Variants in RBPMS observed in about 807,000 individuals in gnomAD.
RBPMS encodes RNA-binding protein with multiple splicing.
A neutral mutation model predicts 26.8 loss-of-function variants in RBPMS; 7 were observed. The ratio of observed to expected loss-of-function variants is 0.26; its 90% CI spans 0.15 to 0.49. The LOEUF (loss-of-function observed/expected upper bound fraction) is 0.49. RBPMS is among the 20% of genes least tolerant of loss of function. RBPMS has a pLI of 0.98. For synonymous variants in RBPMS, 96 were observed against 93.3 expected, an observed-to-expected ratio of 1.03 and a Z score of -0.17; for missense variants, 186 against 250.0, an observed-to-expected ratio of 0.74 and a Z score of 1.73.
intron 6 of RBPMS, chr8:30,545,052 T>C: frequency 1.4e-6 from 2 of 1,397,832 alleles, no homozygotes; most frequent in Non-Finnish European, 1.9e-6. Context: ...TTTTCCACTC[T>C]CGTGTACGGT....
At chr8:30,536,125 TC>T (rs1824768717) in intron 5 of RBPMS, among the ~76,000 whole-genome samples, 1 of 126,440 alleles carries the variant, frequency 7.9e-6, no homozygotes, top group Non-Finnish European at 1.7e-5. Context: ...AGATCATCTC[TC>T]TCTTTTTTTT....
intron 1 of RBPMS, among the ~76,000 whole-genome samples, chr8:30,432,251 C>T (rs948181298): frequency 6.6e-6 from 1 of 152,184 alleles, no homozygotes; most frequent in African/African-American, 2.4e-5. Flanking sequence ...CTGACTCTCC[C>T]GGCAGAAAGT....
At chr8:30,519,198 G>A (rs1822730327) in intron 5 of RBPMS, among the ~76,000 whole-genome samples, 1 of 152,058 alleles carries the variant, frequency 6.6e-6, no homozygotes, top group African/African-American at 2.4e-5. Flanking sequence ...TGGAGGGTAT[G>A]TGTCTAATTC....
rs868230907 is a variant in RBPMS at position 30,446,849 on chromosome 8, G to A, written c.67-27930G>A. 2.9e-3 allele frequency: 392 copies of A among 136,252 alleles called. 6 individuals are homozygous for A. In the Middle Eastern group the frequency reaches 0.043, roughly 15 times the overall value. The allele number at this position is 136,252 out of a possible 1,614,324, so 8.4% of individuals were successfully genotyped here. A position where few individuals can be genotyped will look rare whatever the true frequency, so the allele number is the denominator to read the frequency against. On this transcript the variant is annotated intron_variant, in intron 1 of 8. Transcript: ENST00000397323. ...TGTGTGTGTGTGTGTGTGTGCGCGC[G>A]CGCGCGCGCGGTGGAGGGTAGTGGG... is the stretch of plus-strand genomic sequence containing the variant.
intron 6 of RBPMS, among the ~76,000 whole-genome samples, chr8:30,557,570 C>G (rs538264160): frequency 6.6e-6 from 1 of 152,340 alleles, no homozygotes; most frequent in South Asian, 2.1e-4. Context: ...CCCAGACCCC[C>G]CTGCACCTCC....
intron 6 of RBPMS, chr8:30,552,735 T>G (rs1170205452): frequency 1.3e-4 from 20 of 152,230 alleles, no homozygotes. Flanking sequence ...ACATGCCTGT[T>G]TGGAAGCAGG....
At chr8:30,450,940 C>T (rs1225571097) in intron 1 of RBPMS, among the ~76,000 whole-genome samples, 1 of 152,000 alleles carries the variant, frequency 6.6e-6, no homozygotes, top group African/African-American at 2.4e-5. Flanking sequence ...AAAAATCCTA[C>T]AATGTATATT....
chr8:30,545,184 A>G (rs1825772309), intron 6 of RBPMS: 2 of 1,296,128 alleles, frequency 1.5e-6, no homozygotes, highest in Admixed American at 2.3e-5. Flanking sequence ...AGAAAAGGAG[A>G]TACAAGATAG....
chr8:30,514,154 TTTG>T (rs768040569), intron 5 of RBPMS, among the ~76,000 whole-genome samples: 18 of 152,328 alleles, frequency 1.2e-4, no homozygotes, highest in East Asian at 7.7e-4. Flanking sequence ...TCCTGCACAC[TTTG>T]TTAAGAAAAA....
intron 5 of RBPMS, among the ~76,000 whole-genome samples, chr8:30,540,076 G>A (rs1041039126): frequency 2.0e-5 from 3 of 152,226 alleles, no homozygotes; most frequent in Non-Finnish European, 4.4e-5. Flanking sequence ...TTCTAGACTA[G>A]CAGTGCGAGA....
chr8:30,551,366 T>TC (rs1486286880), intron 6 of RBPMS, among the ~76,000 whole-genome samples: 1 of 152,164 alleles, frequency 6.6e-6, no homozygotes, highest in Non-Finnish European at 1.5e-5. Context: ...GGTCCCCTAG[T>TC]GTATGGCTGT....
chr8:30,537,847 A>G, intron 5 of RBPMS: 1 of 315,330 alleles, frequency 3.2e-6, no homozygotes, highest in Non-Finnish European at 6.3e-6. Flanking sequence ...TGTCATCTTT[A>G]TTGTTACTAG....
Position 30,544,607 on chromosome 8 carries a change from G to C in RBPMS, c.511G>C (p.Ala171Pro). The change falls in exon 6 of 9, where the codon GCT (alanine) becomes CCT (proline). Residue 171 changes from alanine to proline, a missense_variant. Transcript: ENST00000397323. ...ALPPPAFTYP[A>P]SLHAQMRWLP... ...ACCTCCTCCTGCTTTCACCTATCCC[G>C]CTTCACTGCATGCCCAGGTAATTGA... 1 of 1,613,936 alleles carries C rather than the reference G, an allele frequency of 6.2e-7. No homozygotes were observed. The highest frequency in any genetic ancestry group is 8.5e-7 in the Non-Finnish European group (1 of 1,180,008).
chr8:30,494,625 T>C (rs2150899178), intron 4 of RBPMS, among the ~76,000 whole-genome samples: 1 of 152,344 alleles, frequency 6.6e-6, no homozygotes, highest in East Asian at 1.9e-4. Context: ...AGTGTAAGCC[T>C]CTTGTTCCTG....
At chr8:30,458,676 G>A (rs1815528881) in intron 1 of RBPMS, among the ~76,000 whole-genome samples, 1 of 152,188 alleles carries the variant, frequency 6.6e-6, no homozygotes, top group South Asian at 2.1e-4. Context: ...CCCTTGTTTT[G>A]CACTGACAAT....
intron 1 of RBPMS, among the ~76,000 whole-genome samples, chr8:30,448,832 A>G (rs1434638594): frequency 6.6e-6 from 1 of 152,264 alleles, no homozygotes; most frequent in African/African-American, 2.4e-5. Context: ...GCTTGGCAGT[A>G]TGTTTGGCAA....
rs1256297358 is a variant in RBPMS at position 30,500,536 on chromosome 8, T to G, written c.247-3750T>G. Among the ~76,000 whole-genome samples, 4 of 152,158 alleles carry G rather than the reference T, an allele frequency of 2.6e-5. 1 individual carries two copies. Among genetic ancestry groups the G allele is most frequent in the Admixed American group, 2.0e-4 (3 of 15,286 alleles). On this transcript the variant is annotated intron_variant, in intron 4 of 8. Transcript: ENST00000397323. ...CACTGGGAGCCTGAAGCTAACAGAA[T>G]TGAAGTACTCTGTTTATTGTACCAC... is the stretch of plus-strand genomic sequence containing the variant.
At position 30,411,664 on chromosome 8, in the gene RBPMS, GAAAAAAA is replaced by G. The variant is rs796071124; in HGVS notation, c.66+26520_66+26526del. On this transcript the variant is annotated intron_variant, in intron 1 of 8. Transcript: ENST00000397323. The stretch of plus-strand genomic sequence containing the variant: ...TGGGTGACAGCAAGACCCTGTCTCA[GAAAAAAA>G]AAAAAAAAAAAAAGAAAAAGGAAAT... 0.011 allele frequency among the ~76,000 whole-genome samples: 308 copies of G among 28,230 alleles called. 12 individuals carry two copies. In the South Asian group the frequency reaches 0.17, roughly 16 times the overall value. The allele number at this position is 28,230 out of a possible 152,430, so 18.5% of individuals were successfully genotyped here. A position where few individuals can be genotyped will look rare whatever the true frequency, so the allele number is the denominator to read the frequency against.
chr8:30,448,369 A>C (rs1814129072), intron 1 of RBPMS, among the ~76,000 whole-genome samples: 1 of 152,202 alleles, frequency 6.6e-6, no homozygotes, highest in East Asian at 1.9e-4. Flanking sequence ...GGGCAGATGC[A>C]TTCCAAGTAT....
Sources: gnomAD v4.1 joint callset for allele counts (sites outside exome capture counted in the v4.1 genomes callset) on GRCh38, gnomAD v4.1.1 for gene constraint, MANE v1.5 for transcripts, NCBI Gene and HGNC (gene_info 2026-07-23, HGNC 2026-07-21) for gene names.